Variants in CD96 observed in about 807,000 individuals in gnomAD.
CD96 encodes the protein CD96 molecule.
In CD96, 70 loss-of-function variants were observed where a neutral mutation model predicts 71.3. The observed-to-expected ratio is 0.98, with a 90% CI of 0.81 to 1.20. CD96 has a LOEUF of 1.20. Among genes scored for constraint, CD96 ranks in the 50% most tolerant of loss-of-function variants. The pLI is 0.00. For missense variants in CD96, 742 were observed against 677.5 expected (o/e 1.10, Z -1.06); for synonymous variants, 248 against 233.0 (o/e 1.06, Z -0.59).
intron 12 of CD96, among the ~76,000 whole-genome samples, chr3:111,639,046 G>A (rs1358050494): frequency 6.6e-6 from 1 of 152,192 alleles, no homozygotes; most frequent in African/African-American, 2.4e-5. Context: ...TGGCAGACAG[G>A]AAGCAGGACT....
At chr3:111,596,822 T>C (rs1412776834) in intron 5 of CD96, among the ~76,000 whole-genome samples, 1 of 152,180 alleles carries the variant, frequency 6.6e-6, no homozygotes, top group Non-Finnish European at 1.5e-5. Context: ...GGCCCATATA[T>C]GTATCCCCAT....
intron 8 of CD96, among the ~76,000 whole-genome samples, chr3:111,614,668 G>T (rs1412729608): frequency 1.3e-5 from 2 of 152,080 alleles, no homozygotes; most frequent in African/African-American, 4.8e-5. Flanking sequence ...GTGCACCTTT[G>T]CCTACTCTAT....
intron 8 of CD96, among the ~76,000 whole-genome samples, chr3:111,615,526 T>G (rs1047164148): frequency 1.3e-5 from 2 of 152,286 alleles, no homozygotes; most frequent in Middle Eastern, 3.4e-3. Flanking sequence ...GGAAATACAG[T>G]AAGAACCCAA....
In CD96 at chr3:111,545,368, G is replaced by A; in HGVS notation, c.384G>A (p.Gln128=). ...TTGTTCTGTATCCAGAGGGCATTCA[G>A]ACTAAAATCTACAACCTTCTCATTC... The part of the protein sequence containing the change: ...CMLVLYPEGI[Q]TKIYNLLIQT... Residue 128 remains glutamine (Q), a synonymous_variant, in exon 2 of 14, where the codon CAG becomes CAA. Coordinates refer to ENST00000352690, the MANE Select transcript of CD96 (RefSeq NM_005816.5). The A allele has an allele frequency of 1.9e-6, 3 of 1,612,452 alleles. No homozygotes were observed. Among genetic ancestry groups the A allele is most frequent in the Non-Finnish European group, 2.5e-6 (3 of 1,178,518 alleles).
At chr3:111,653,182 G>A (rs372734242), downstream of CD96, among the ~76,000 whole-genome samples, 15 of 152,206 alleles carry the variant, frequency 9.9e-5, no homozygotes, top group East Asian at 1.5e-3. Flanking sequence ...TGAGAAGATC[G>A]TTTTCAGACT....
downstream of CD96, among the ~76,000 whole-genome samples, chr3:111,655,111 A>G (rs1403738383): frequency 2.0e-5 from 3 of 152,238 alleles, no homozygotes; most frequent in South Asian, 2.1e-4. Flanking sequence ...CCACTCTTAC[A>G]GATAATTGGG....
intron 8 of CD96, among the ~76,000 whole-genome samples, chr3:111,607,357 T>A (rs1228888695): frequency 6.6e-6 from 1 of 152,196 alleles, no homozygotes; most frequent in Non-Finnish European, 1.5e-5. Context: ...AGTTGACTGG[T>A]AAGGACTATG....
intron 2 of CD96, among the ~76,000 whole-genome samples, chr3:111,546,913 G>GACACACACACACAC (rs1491160910): frequency 1.2e-4 from 6 of 51,892 alleles, no homozygotes; most frequent in Admixed American, 4.1e-4. Context: ...CACACACACA[G>GACACACACACACAC]ACACATACAC....
At chr3:111,654,537 C>T (rs989491495), downstream of CD96, among the ~76,000 whole-genome samples, 4 of 152,224 alleles carry the variant, frequency 2.6e-5, no homozygotes, top group African/African-American at 9.6e-5. Flanking sequence ...TTTGTATCCT[C>T]CAATCTCTGT....
intron 4 of CD96, among the ~76,000 whole-genome samples, chr3:111,581,864 C>T (rs374287740): frequency 3.3e-5 from 5 of 151,980 alleles, no homozygotes; most frequent in Admixed American, 6.6e-5. Context: ...ATAAGGATTG[C>T]GGTTAATTTA....
chr3:111,571,019 T>G, intron 3 of CD96: 1 of 1,420,106 alleles, frequency 7.0e-7, no homozygotes, highest in South Asian at 1.2e-5. Flanking sequence ...GCTTCTCTTT[T>G]GGGGTCAGCG....
At chr3:111,644,124 G>C (rs1465023584) in intron 12 of CD96, among the ~76,000 whole-genome samples, 1 of 152,122 alleles carries the variant, frequency 6.6e-6, no homozygotes, top group Non-Finnish European at 1.5e-5. Context: ...CATGCTACTG[G>C]TATAAAATAC....
Position 111,626,571 on chromosome 3 carries a change from A to T in CD96, c.1321+2167A>T, listed in dbSNP as rs531209627. 2.7e-3 allele frequency among the ~76,000 whole-genome samples: 413 copies of T among 152,288 alleles called. 3 individuals carry two copies. The highest frequency in any genetic ancestry group is 9.2e-3 in the African/African-American group (384 of 41,570). ...TGCATACCTACAATCCAACAATTCT[A>T]TTCCTAGATATAAAAATCCCTCCAA... On this transcript the variant is annotated intron_variant, in intron 10 of 13. Coordinates refer to ENST00000352690, the MANE Select transcript of CD96 (RefSeq NM_005816.5).
At chr3:111,565,433 A>G (rs189155833) in intron 2 of CD96, among the ~76,000 whole-genome samples, 40 of 152,312 alleles carry the variant, frequency 2.6e-4, no homozygotes, top group African/African-American at 9.1e-4. Context: ...CAAAATTTAC[A>G]AAAATGTAAT....
chr3:111,637,422 A>G (rs926173161), intron 11 of CD96, among the ~76,000 whole-genome samples, 161 bp downstream of exon 11: 11 of 152,222 alleles, frequency 7.2e-5, no homozygotes, highest in Non-Finnish European at 1.6e-4. Flanking sequence ...AATTCTTCTC[A>G]GCCATTCAAA....
chr3:111,624,349 G>T lies in CD96; in HGVS notation c.1266G>T (p.Met422Ile). Residue 422 changes from methionine to isoleucine, a missense_variant, in exon 10 of 14, where the codon ATG (methionine) becomes ATT (isoleucine). Transcript: ENST00000352690. ...GTCTTTCAGCCAGCAATTCCAGTAT[G>T]ACTACCCGAGGCTTCAACTATCCCT... is the stretch of plus-strand genomic sequence containing the variant. Reference protein sequence around the residue: ...NTTPQPSNSSMTTRGFNYPWT... With the variant: ...NTTPQPSNSSITTRGFNYPWT... The T allele has an allele frequency of 1.2e-6, 2 of 1,610,988 alleles. No individual in the cohort carries two copies. The highest frequency in any genetic ancestry group is 2.2e-5 in the South Asian group (2 of 91,000).
intron 3 of CD96, chr3:111,570,657 A>C (rs1456403557): frequency 6.2e-7 from 1 of 1,608,892 alleles, no homozygotes; most frequent in Admixed American, 1.7e-5. Context: ...GGCCCGGGAC[A>C]TGACAAAGCA....
At chr3:111,664,055 T>C (rs530390143) in intron 14 of CD96, among the ~76,000 whole-genome samples, 1 of 152,330 alleles carries the variant, frequency 6.6e-6, no homozygotes, top group East Asian at 1.9e-4. Flanking sequence ...CAGCCGCTTA[T>C]ACACTTCTGG....
intron 2 of CD96, among the ~76,000 whole-genome samples, chr3:111,555,089 TACTC>T (rs1934921067): frequency 1.3e-5 from 2 of 152,248 alleles, no homozygotes; most frequent in Non-Finnish European, 2.9e-5. Flanking sequence ...AAGCTTTTCT[TACTC>T]ACACACTGCT....
Sources: allele counts gnomAD v4.1 joint callset (sites outside exome capture counted in the v4.1 genomes callset), GRCh38; gene constraint gnomAD v4.1.1; transcripts MANE v1.5; gene names NCBI Gene and HGNC (gene_info 2026-07-23, HGNC 2026-07-21).